The following ADARB1 variants were observed in gnomAD, a reference collection of about 807,000 sequenced individuals.
ADARB1 encodes the protein double-stranded RNA-specific editase 1.
ADARB1 carries 10 observed loss-of-function variants against 52.4 expected under a neutral mutation model. The ratio of observed to expected loss-of-function variants is 0.19; its 90% CI spans 0.12 to 0.32. The LOEUF (loss-of-function observed/expected upper bound fraction) is 0.32, where lower values mean the gene tolerates loss of function less well. Among genes scored for constraint, ADARB1 ranks in the 10% least tolerant of loss-of-function variants. ADARB1 has a pLI of 1.00. For synonymous variants in ADARB1, 349 were observed against 371.1 expected, an observed-to-expected ratio of 0.94 and a Z score of 0.68; for missense variants, 643 against 922.3, an observed-to-expected ratio of 0.70 and a Z score of 3.92.
chr21:45,135,292 TC>T (rs1167718246), intron 2 of ADARB1, among the ~76,000 whole-genome samples: 1 of 152,208 alleles, frequency 6.6e-6, no homozygotes, highest in Non-Finnish European at 1.5e-5. Context: ...TCCGCCCTGT[TC>T]CTTGGCAGAG....
Position 45,136,709 on chromosome 21 carries a change from C to G in ADARB1, c.-48+8136C>G, listed in dbSNP as rs531926247. Among the ~76,000 whole-genome samples the G allele has an allele frequency of 3.3e-5, 5 of 152,344 alleles. No homozygotes were observed. The South Asian group carries it at 1.0e-3, about 32-fold the overall frequency. On this transcript the variant is annotated intron_variant, in intron 2 of 10. Transcript: ENST00000348831. ...GGGAGAGCAGGGGTGTCCCCGCACC[C>G]AGAGGAGGCACCCTGCCGCTCTCCC...
At chr21:45,118,882 G>A (rs1342173981) in intron 1 of ADARB1, among the ~76,000 whole-genome samples, 2 of 152,110 alleles carry the variant, frequency 1.3e-5, no homozygotes, top group Admixed American at 6.5e-5. Flanking sequence ...CTGCTCTCTC[G>A]CATCAACCTG....
chr21:45,163,229 G>C (rs919989840), intron 2 of ADARB1, among the ~76,000 whole-genome samples: 4 of 152,256 alleles, frequency 2.6e-5, no homozygotes, highest in Non-Finnish European at 5.9e-5. Flanking sequence ...TTAGAGGTCA[G>C]TTCGTATACA....
rs1601779127 is a variant in ADARB1 at position 45,176,107 on chromosome 21, G to A, written c.406G>A (p.Glu136Lys). 1 of 1,614,064 alleles carries A rather than the reference G, an allele frequency of 6.2e-7. No homozygotes were observed. The highest frequency in any genetic ancestry group is 2.2e-5 in the East Asian group (1 of 44,890). ...TKKKAKLHAAEKALRSFVQFP... is the reference protein window; with the variant it reads ...TKKKAKLHAAKKALRSFVQFP... ...GAAAAAGGCAAAACTCCATGCTGCT[G>A]AGAAGGCCTTGAGGTCTTTCGTTCA... is the stretch of plus-strand genomic sequence containing the variant. The change falls in exon 4 of 11, where the codon GAG (glutamate) becomes AAG (lysine). Residue 136 changes from glutamate to lysine, a missense_variant. Transcript: ENST00000348831. The surrounding 1 kb of genome is among the most constrained non-coding windows in gnomAD (Gnocchi z 5.8).
At chr21:45,175,647 G>A in intron 3 of ADARB1, 83 bp from the exon 4 acceptor site, 1 of 1,367,612 alleles carries the variant, frequency 7.3e-7, no homozygotes, top group Non-Finnish European at 1.0e-6. Flanking sequence ...CAGTTACAAA[G>A]AGAGCTAAAG....
At chr21:45,103,120 A>G in intron 1 of ADARB1, among the ~76,000 whole-genome samples, 1 of 152,160 alleles carries the variant, frequency 6.6e-6, no homozygotes, top group East Asian at 1.9e-4. Context: ...AGTCTGAGAA[A>G]CTCACAGCCA....
chr21:45,171,916 G>A (rs1400840440), intron 3 of ADARB1, among the ~76,000 whole-genome samples: 1 of 151,856 alleles, frequency 6.6e-6, no homozygotes, highest in South Asian at 2.1e-4. Context: ...ACTGTGCCCC[G>A]TGGAATGGGC....
At position 45,223,127 on chromosome 21, in the gene ADARB1, C is replaced by T. The variant is rs755173836; in HGVS notation, c.*930C>T. On this transcript the variant is annotated 3_prime_UTR_variant, in exon 11 of 11. Transcript: ENST00000348831. ...ATGGCCTAAGTTCCCTCTGTTCCTT[C>T]CTCTGAATCGAATGGATGTGGGTGA... 3.1e-5 allele frequency: 31 copies of T among 985,326 alleles called. No individual in the cohort carries two copies. Among genetic ancestry groups the T allele is most frequent in the Non-Finnish European group, 3.6e-5 (30 of 829,948 alleles). The allele number at this position is 985,326 out of a possible 1,614,324, so 61.0% of individuals were successfully genotyped here. A position where few individuals can be genotyped will look rare whatever the true frequency, so the allele number is the denominator to read the frequency against.
rs1410511123 is a variant in ADARB1 at position 45,224,092 on chromosome 21, A to T, written c.*1895A>T. The T allele has an allele frequency of 1.0e-6, 1 of 985,298 alleles. No individual in the cohort carries two copies. The highest frequency in any genetic ancestry group is 1.7e-5 in the African/African-American group (1 of 57,298). 61.0% of individuals were successfully genotyped at this position (985,298 alleles called of 1,614,324 possible). ...CTTTCCCCCAAGCAGGCTCTTGCAC[A>T]CTCTAGAAAAAACACCTTGTAAGTC... is the stretch of plus-strand genomic sequence containing the variant. On this transcript the variant is annotated 3_prime_UTR_variant, in exon 11 of 11. Transcript: ENST00000348831.
At chr21:45,143,551 C>G (rs1312002547) in intron 2 of ADARB1, among the ~76,000 whole-genome samples, 1 of 152,178 alleles carries the variant, frequency 6.6e-6, no homozygotes, top group Non-Finnish European at 1.5e-5. Context: ...AGCCCGTGTC[C>G]AAGATGCTGC....
At chr21:45,189,910 G>A (rs1190042629) in intron 8 of ADARB1, among the ~76,000 whole-genome samples, 1 of 152,058 alleles carries the variant, frequency 6.6e-6, no homozygotes, top group Non-Finnish European at 1.5e-5. Context: ...TGATTAAAAT[G>A]TGTCTTAGTG....
intron 1 of ADARB1, among the ~76,000 whole-genome samples, chr21:45,092,454 T>C (rs1345913291): frequency 6.6e-6 from 1 of 152,236 alleles, no homozygotes; most frequent in Non-Finnish European, 1.5e-5. Flanking sequence ...TTTTTTTATA[T>C]AGTTATACCA....
At chr21:45,151,079 G>A (rs1263109901) in intron 2 of ADARB1, among the ~76,000 whole-genome samples, 1 of 152,138 alleles carries the variant, frequency 6.6e-6, no homozygotes, top group Admixed American at 6.5e-5. Flanking sequence ...AGTAGGGTGG[G>A]GTCACTTGAA....
intron 1 of ADARB1, among the ~76,000 whole-genome samples, chr21:45,081,784 G>C (rs369457634): frequency 2.0e-5 from 3 of 152,180 alleles, no homozygotes; most frequent in Admixed American, 6.5e-5. Context: ...ATGTCAGGAG[G>C]GGGGACAACA....
At chr21:45,192,989 T>C (rs2092339240) in intron 8 of ADARB1, among the ~76,000 whole-genome samples, 1 of 152,198 alleles carries the variant, frequency 6.6e-6, no homozygotes. Flanking sequence ...CAAGCTCAGA[T>C]GGCTTCACTA....
Position 45,151,332 on chromosome 21 carries a change from A to C in ADARB1, c.-47-20278A>C, listed in dbSNP as rs2090274053. ...AATTTAAGAGTAATAAGAATTGCTT[A>C]ATATGGCATAATTTCCTTAGGTGCC... On this transcript the variant is annotated intron_variant, in intron 2 of 10. Transcript: ENST00000348831. Among the ~76,000 whole-genome samples, 3 of 152,378 alleles carry C rather than the reference A, an allele frequency of 2.0e-5. No homozygotes were observed. The South Asian group carries it at 6.2e-4, about 32-fold the overall frequency.
At chr21:45,189,951 T>G (rs2092234755) in intron 8 of ADARB1, among the ~76,000 whole-genome samples, 1 of 152,122 alleles carries the variant, frequency 6.6e-6, no homozygotes, top group Admixed American at 6.5e-5. Context: ...TGTATTTCAT[T>G]TCTTTGAGCT....
chr21:45,155,454 T>C (rs917510330), intron 2 of ADARB1, among the ~76,000 whole-genome samples: 1 of 152,078 alleles, frequency 6.6e-6, no homozygotes, highest in African/African-American at 2.4e-5. Flanking sequence ...TGGTAGCACC[T>C]GGAGGTATAG....
At chr21:45,124,128 A>AT (rs1166955529) in intron 1 of ADARB1, among the ~76,000 whole-genome samples, 77 of 152,288 alleles carry the variant, frequency 5.1e-4, no homozygotes, top group African/African-American at 1.8e-3. Context: ...CATCTTAATC[A>AT]TGTTTGATCG....
Sources: allele counts gnomAD v4.1 joint callset (sites outside exome capture counted in the v4.1 genomes callset), GRCh38; gene constraint gnomAD v4.1.1; non-coding constraint Gnocchi (gnomAD v3.1); transcripts MANE v1.5; gene names NCBI Gene and HGNC (gene_info 2026-07-23, HGNC 2026-07-21).